The following TRIM2 variants were observed in gnomAD, a reference collection of about 807,000 sequenced individuals.
TRIM2 encodes the protein tripartite motif-containing protein 2.
A neutral mutation model predicts 75.2 loss-of-function variants in TRIM2; 20 were observed. That is an observed-to-expected ratio of 0.27 (90% CI 0.19 to 0.39). The LOEUF (loss-of-function observed/expected upper bound fraction) is 0.39. Among genes scored for constraint, TRIM2 ranks in the 10% least tolerant of loss-of-function variants. The pLI is 1.00. For missense variants in TRIM2, 660 were observed against 990.8 expected (o/e 0.67, Z 4.48); for synonymous variants, 373 against 388.3 (o/e 0.96, Z 0.46).
intron 1 of TRIM2, among the ~76,000 whole-genome samples, chr4:153,168,730 T>C (rs889387191): frequency 2.6e-5 from 4 of 151,886 alleles, no homozygotes; most frequent in African/African-American, 9.7e-5. Context: ...CTTAAAGATA[T>C]AAAATAGTGT....
At chr4:153,192,437 T>A (rs1206602631) in intron 1 of TRIM2, among the ~76,000 whole-genome samples, 1 of 151,482 alleles carries the variant, frequency 6.6e-6, no homozygotes, top group Admixed American at 6.6e-5. Context: ...CAAAACCCCA[T>A]CTCTACAAAA....
Position 153,322,901 on chromosome 4 carries a change from C to T in TRIM2, c.1951+85C>T, listed in dbSNP as rs147766530. ...TGATGTTGGAGCATGTTGAAGACACCGCATCCCTAGTGTGTTTGCTGGCTT... is the reference window on the plus strand; with the variant it reads ...TGATGTTGGAGCATGTTGAAGACACTGCATCCCTAGTGTGTTTGCTGGCTT... On this transcript the variant is annotated intron_variant, in intron 9 of 11. Transcript: ENST00000338700. 9.9e-5 allele frequency: 151 copies of T among 1,524,078 alleles called. 1 individual carries two copies. Among genetic ancestry groups the T allele is most frequent in the Middle Eastern group, 3.9e-4 (2 of 5,064 alleles). 94.4% of individuals were successfully genotyped at this position (1,524,078 alleles called of 1,614,324 possible).
intron 1 of TRIM2, among the ~76,000 whole-genome samples, chr4:153,153,715 G>T (rs935402080): frequency 3.3e-5 from 5 of 152,224 alleles, no homozygotes; most frequent in Admixed American, 1.3e-4. Context: ...TGGCGGCTGC[G>T]GCCGGTCCTG....
rs1271158458 is a variant in TRIM2, at chr4:153,335,085, T to C, written c.*119T>C. The stretch of plus-strand genomic sequence containing the variant: ...GCCAGAAGGAATCATTGGTGAACTT[T>C]CCAAGGTTATTTCTGAATGTAACAA... On this transcript the variant is annotated 3_prime_UTR_variant, in exon 12 of 12. Transcript: ENST00000338700. The C allele has an allele frequency of 7.5e-7, 1 of 1,329,364 alleles. No individual in the cohort carries two copies. Among genetic ancestry groups the C allele is most frequent in the Non-Finnish European group, 9.7e-7 (1 of 1,030,762 alleles). The allele number at this position is 1,329,364 out of a possible 1,614,324, so 82.3% of individuals were successfully genotyped here. A position where few individuals can be genotyped will look rare whatever the true frequency, so the allele number is the denominator to read the frequency against.
intron 9 of TRIM2, 36 bp downstream of exon 9, chr4:153,322,852 A>G: frequency 6.2e-7 from 1 of 1,611,440 alleles, no homozygotes; most frequent in Non-Finnish European, 8.5e-7. Flanking sequence ...CCCCTTTTTT[A>G]TGCTTCTTCT....
chr4:153,322,428 TAAATA>T (rs1303917376), intron 8 of TRIM2, among the ~76,000 whole-genome samples: 3 of 151,908 alleles, frequency 2.0e-5, no homozygotes, highest in African/African-American at 7.3e-5. Flanking sequence ...AATAAATAAA[TAAATA>T]AAAGAATAAG....
chr4:153,267,013 C>T (rs1755346380), intron 1 of TRIM2: 2 of 151,066 alleles, frequency 1.3e-5, no homozygotes, highest in Admixed American at 1.3e-4. Flanking sequence ...GACCAGCCAG[C>T]AGCCGAATTT....
At chr4:153,273,977 C>G (rs1757469965) in intron 2 of TRIM2, among the ~76,000 whole-genome samples, 1 of 152,162 alleles carries the variant, frequency 6.6e-6, no homozygotes, top group Non-Finnish European at 1.5e-5. Flanking sequence ...GGTTATTCAA[C>G]ACTGAGGAAG....
intron 9 of TRIM2, 29 bp downstream of exon 9, chr4:153,322,845 C>T (rs745790988): frequency 6.8e-6 from 11 of 1,612,092 alleles, no homozygotes; most frequent in South Asian, 6.6e-5. Context: ...TGTAAACCCC[C>T]TTTTTTATGC....
chr4:153,226,135 T>C (rs1182228708), intron 1 of TRIM2, among the ~76,000 whole-genome samples: 1 of 152,254 alleles, frequency 6.6e-6, no homozygotes, highest in Non-Finnish European at 1.5e-5. Flanking sequence ...CCTCCCAAAG[T>C]GCTGGAATTA....
chr4:153,282,537 A>G (rs1026377529), intron 3 of TRIM2, among the ~76,000 whole-genome samples: 3 of 152,234 alleles, frequency 2.0e-5, no homozygotes, highest in Non-Finnish European at 4.4e-5. Flanking sequence ...TACAAAAGTA[A>G]ATAAATACAT....
intron 6 of TRIM2, 63 bp from the exon 7 acceptor site, chr4:153,315,422 T>A: frequency 1.5e-6 from 2 of 1,311,812 alleles, no homozygotes; most frequent in Non-Finnish European, 2.1e-6. Context: ...ATTATTCTCT[T>A]GCTGAAACAG....
chr4:153,294,286 T>G lies in TRIM2; in HGVS notation c.606-19T>G, dbSNP rs754647546. The G allele has an allele frequency of 6.2e-7, 1 of 1,612,404 alleles. No individual in the cohort carries two copies. Among genetic ancestry groups the G allele is most frequent in the Non-Finnish European group, 8.5e-7 (1 of 1,178,886 alleles). On this transcript the variant is annotated intron_variant, in intron 4 of 11. Coordinates refer to ENST00000338700, the MANE Select transcript of TRIM2 (RefSeq NM_015271.5). ...TCTGGGTTGAGGTTAAATAACGACCTTTAACAACTGTCCACCAGGCTCCCA... is the reference window on the plus strand; with the variant it reads ...TCTGGGTTGAGGTTAAATAACGACCGTTAACAACTGTCCACCAGGCTCCCA...
At chr4:153,309,318 G>T (rs1451678254) in intron 6 of TRIM2, among the ~76,000 whole-genome samples, 1 of 152,146 alleles carries the variant, frequency 6.6e-6, no homozygotes, top group African/African-American at 2.4e-5. Context: ...GATGATCTCG[G>T]TAATGTGTCT....
chr4:153,239,346 C>T (rs1184201971), intron 1 of TRIM2, among the ~76,000 whole-genome samples: 4 of 127,406 alleles, frequency 3.1e-5, no homozygotes, highest in Non-Finnish European at 6.2e-5. Context: ...AGCGTGACTC[C>T]GTCTCAAAAA....
At chr4:153,314,276 C>A (rs1050059863) in intron 6 of TRIM2, among the ~76,000 whole-genome samples, 2 of 145,198 alleles carry the variant, frequency 1.4e-5, no homozygotes, top group Non-Finnish European at 2.9e-5. Flanking sequence ...AAAAATTAGC[C>A]GGGCGTAGTG....
At chr4:153,300,379 T>A (rs1431014524) in intron 6 of TRIM2, among the ~76,000 whole-genome samples, 1 of 152,000 alleles carries the variant, frequency 6.6e-6, no homozygotes, top group Non-Finnish European at 1.5e-5. Flanking sequence ...AACCTCAACC[T>A]CCAGATGCTC....
chr4:153,327,656 A>T (rs1373086537), intron 10 of TRIM2, among the ~76,000 whole-genome samples: 16 of 152,218 alleles, frequency 1.1e-4, no homozygotes, highest in Non-Finnish European at 1.8e-4. Flanking sequence ...TTAAACATTA[A>T]CATTTACTTT....
chr4:153,276,106 C>T lies in TRIM2; in HGVS notation c.429C>T (p.Leu143=), dbSNP rs2150063164. The T allele has an allele frequency of 6.2e-7, 1 of 1,614,238 alleles. No homozygotes were observed. The highest frequency in any genetic ancestry group is 8.5e-7 in the Non-Finnish European group (1 of 1,180,036). ...CTGCTGTGGCTGCGGGAAAGCCTCT[C>T]TCTTGCCCAAACCACGATGGGAATG... ...TVTAVAAGKP[L]SCPNHDGNVM... Residue 143 remains leucine (L), a synonymous_variant, in exon 3 of 12, where the codon CTC becomes CTT. Coordinates refer to ENST00000338700, the MANE Select transcript of TRIM2 (RefSeq NM_015271.5).
Sources: allele counts gnomAD v4.1 joint callset (sites outside exome capture counted in the v4.1 genomes callset), GRCh38; gene constraint gnomAD v4.1.1; transcripts MANE v1.5; gene names NCBI Gene and HGNC (gene_info 2026-07-23, HGNC 2026-07-21).